Variants in ASTN1 observed in about 807,000 individuals in gnomAD.
The protein encoded by ASTN1 is astrotactin-1.
In ASTN1, 41 loss-of-function variants were observed where a neutral mutation model predicts 140.7. The observed-to-expected ratio is 0.29, with a 90% CI of 0.23 to 0.38. ASTN1 has a LOEUF of 0.38. Among genes scored for constraint, ASTN1 ranks in the 10% least tolerant of loss-of-function variants. The pLI, the probability that ASTN1 is intolerant of heterozygous loss-of-function variation, is 1.00. For missense variants in ASTN1, 1,479 were observed against 1,678.8 expected, an observed-to-expected ratio of 0.88 and a Z score of 2.08; for synonymous variants, 640 against 652.2, an observed-to-expected ratio of 0.98 and a Z score of 0.29.
chr1:177,094,558 C>T (rs1679930306), intron 1 of ASTN1, among the ~76,000 whole-genome samples: 1 of 152,178 alleles, frequency 6.6e-6, no homozygotes, highest in African/African-American at 2.4e-5. Context: ...ACCAAATGTG[C>T]TAGTGGCTTA....
chr1:177,065,425 T>C (rs1678307571), intron 1 of ASTN1, among the ~76,000 whole-genome samples: 1 of 152,214 alleles, frequency 6.6e-6, no homozygotes, highest in Admixed American at 6.5e-5. Context: ...CAAATTGTGT[T>C]ACATGGTCCC....
At chr1:177,085,005 T>G (rs1217107836) in intron 1 of ASTN1, among the ~76,000 whole-genome samples, 1 of 152,100 alleles carries the variant, frequency 6.6e-6, no homozygotes, top group Non-Finnish European at 1.5e-5. Flanking sequence ...AAGACATGGG[T>G]TGAGCACAAC....
chr1:176,872,943 T>C (rs947246495), intron 21 of ASTN1, among the ~76,000 whole-genome samples: 1 of 152,156 alleles, frequency 6.6e-6, no homozygotes, highest in African/African-American at 2.4e-5. Context: ...CACATTACTG[T>C]TTTGCTGTTG....
chr1:176,957,153 C>T (rs1219307419), intron 11 of ASTN1, among the ~76,000 whole-genome samples: 5 of 152,124 alleles, frequency 3.3e-5, no homozygotes, highest in African/African-American at 1.2e-4. Flanking sequence ...ACTCTCTCAT[C>T]TCGGCCTCCC....
At position 176,861,097 on chromosome 1, in the gene ASTN1, GTTAA is replaced by G. The variant is rs1667944806; in HGVS notation, c.*3183_*3186del. The G allele has an allele frequency of 1.0e-6, 1 of 952,736 alleles. No individual in the cohort carries two copies. Among genetic ancestry groups the G allele is most frequent in the African/African-American group, 1.8e-5 (1 of 56,398 alleles). 59.0% of individuals were successfully genotyped at this position (952,736 alleles called of 1,614,324 possible). A position where few individuals can be genotyped will look rare whatever the true frequency, so the allele number is the denominator to read the frequency against. ...ACTAATAGCTTTGTTTTATTATTCA[GTTAA>G]TTATTTCATCTTTTATAATCATACA... is the stretch of plus-strand genomic sequence containing the variant. On this transcript the variant is annotated 3_prime_UTR_variant, in exon 23 of 23. Transcript: ENST00000361833.
chr1:177,000,501 C>T (rs1012078121), intron 8 of ASTN1, among the ~76,000 whole-genome samples: 11 of 152,150 alleles, frequency 7.2e-5, no homozygotes, highest in African/African-American at 2.4e-4. Flanking sequence ...AGACATCATC[C>T]TATACACAAT....
At chr1:176,873,743 G>A (rs1365053260) in intron 21 of ASTN1, among the ~76,000 whole-genome samples, 2 of 152,172 alleles carry the variant, frequency 1.3e-5, no homozygotes, top group Admixed American at 6.5e-5. Flanking sequence ...AAGGATAACA[G>A]GCCCTGGGAG....
intron 2 of ASTN1, among the ~76,000 whole-genome samples, chr1:177,050,461 G>A (rs1677481224): frequency 6.6e-6 from 1 of 152,110 alleles, no homozygotes; most frequent in African/African-American, 2.4e-5. Flanking sequence ...AAGTTAGAAG[G>A]CTACTTGACT....
Position 177,061,280 on chromosome 1 carries a change from C to T in ASTN1, c.284-15G>A. The T allele has an allele frequency of 1.3e-6, 2 of 1,491,748 alleles. No homozygotes were observed. The highest frequency in any genetic ancestry group is 1.8e-6 in the Non-Finnish European group (2 of 1,115,458). 92.4% of individuals were successfully genotyped at this position (1,491,748 alleles called of 1,614,324 possible). A position where few individuals can be genotyped will look rare whatever the true frequency, so the allele number is the denominator to read the frequency against. ...CCCTGAGATCTCTAGAAGATGAACA[C>T]CAAAGGCACAGGTGAGAATTAGGAT... On this transcript the variant is annotated splice_polypyrimidine_tract_variant and intron_variant, in intron 1 of 22. Coordinates refer to ENST00000361833, the MANE Select transcript of ASTN1 (RefSeq NM_004319.3).
chr1:176,906,633 C>T (rs1005354618), intron 16 of ASTN1, among the ~76,000 whole-genome samples: 1 of 151,830 alleles, frequency 6.6e-6, no homozygotes, highest in Admixed American at 6.6e-5. Flanking sequence ...GTGGGCAGAT[C>T]GTTTGAGGTC....
At chr1:177,059,840 A>G (rs1677997831) in intron 2 of ASTN1, among the ~76,000 whole-genome samples, 1 of 152,134 alleles carries the variant, frequency 6.6e-6, no homozygotes, top group Admixed American at 6.6e-5. Flanking sequence ...TTGAACTAAG[A>G]CTCAAGCTGC....
At chr1:176,927,536 C>G (rs979016490) in intron 16 of ASTN1, among the ~76,000 whole-genome samples, 1 of 152,174 alleles carries the variant, frequency 6.6e-6, no homozygotes. Context: ...AATTTAAAAT[C>G]AGTTTCCTTT....
chr1:176,873,208 CAG>C (rs1392080576), intron 21 of ASTN1, among the ~76,000 whole-genome samples: 1 of 152,190 alleles, frequency 6.6e-6, no homozygotes, highest in Non-Finnish European at 1.5e-5. Flanking sequence ...ATCAGGAAGA[CAG>C]AACAGGCATC....
chr1:177,024,528 C>A, intron 6 of ASTN1, 55 bp downstream of exon 6: 2 of 1,595,994 alleles, frequency 1.3e-6, no homozygotes, highest in South Asian at 1.1e-5. Flanking sequence ...TTTGCCCAAC[C>A]AGAAAACTTT....
At chr1:177,144,367 C>T (rs542275728) in intron 1 of ASTN1, among the ~76,000 whole-genome samples, 6 of 151,704 alleles carry the variant, frequency 4.0e-5, no homozygotes, top group Admixed American at 3.9e-4. Context: ...ATTCTCCTGC[C>T]TCAGCCTCCT....
At chr1:177,157,470 A>G (rs1479561570) in intron 1 of ASTN1, among the ~76,000 whole-genome samples, 4 of 152,008 alleles carry the variant, frequency 2.6e-5, no homozygotes, top group Admixed American at 6.6e-5. Context: ...ACACGCCACC[A>G]TATCTAGCTA....
rs774341500 is a variant in ASTN1, at chr1:176,937,107, T to C, written c.2378-737A>G. ...CTATAATATCCCCATAGCAAATTTA[T>C]ATTAAACTCTAGGCTTACTGTAATA... On this transcript the variant is annotated intron_variant, in intron 14 of 22. Transcript: ENST00000361833. Among the ~76,000 whole-genome samples the C allele has an allele frequency of 4.5e-4, 69 of 152,220 alleles. 3 individuals carry two copies. Among genetic ancestry groups the C allele is most frequent in the Non-Finnish European group, 1.2e-4 (8 of 68,040 alleles).
intron 21 of ASTN1, among the ~76,000 whole-genome samples, chr1:176,875,248 G>T (rs1439563811): frequency 2.0e-5 from 3 of 152,118 alleles, no homozygotes; most frequent in African/African-American, 7.2e-5. Context: ...GAATGAAAAC[G>T]GTTTTGGAAG....
intron 1 of ASTN1, among the ~76,000 whole-genome samples, chr1:177,109,208 GTA>G (rs1680695369): frequency 6.6e-6 from 1 of 151,938 alleles, no homozygotes; most frequent in African/African-American, 2.4e-5. Flanking sequence ...TGTTCATACG[GTA>G]TACCAAAATT....
Sources: allele counts gnomAD v4.1 joint callset (sites outside exome capture counted in the v4.1 genomes callset), GRCh38; gene constraint gnomAD v4.1.1; transcripts MANE v1.5; gene names NCBI Gene and HGNC (gene_info 2026-07-23, HGNC 2026-07-21).